Variants in ICMT observed in about 807,000 individuals in gnomAD.
ICMT encodes the protein isoprenylcysteine carboxyl methyltransferase, also known as protein-S-isoprenylcysteine O-methyltransferase.
In ICMT, 10 loss-of-function variants were observed where a neutral mutation model predicts 32.2. The ratio of observed to expected loss-of-function variants is 0.31; its 90% CI spans 0.19 to 0.53. The LOEUF is 0.53. ICMT is among the 20% of genes least tolerant of loss of function. ICMT has a pLI of 0.96. For missense variants in ICMT, 265 were observed against 356.9 expected (o/e 0.74, Z 2.07); for synonymous variants, 183 against 158.2 (o/e 1.16, Z -1.18).
chr1:6,227,516 GC>G (rs1668662682), intron 4 of ICMT, among the ~76,000 whole-genome samples: 1 of 152,122 alleles, frequency 6.6e-6, no homozygotes, highest in African/African-American at 2.4e-5. Flanking sequence ...ACATTCTTTG[GC>G]CAAGTTTTTC....
intron 4 of ICMT, among the ~76,000 whole-genome samples, chr1:6,231,424 G>A (rs1385468202): frequency 6.6e-6 from 1 of 152,124 alleles, no homozygotes; most frequent in Non-Finnish European, 1.5e-5. Context: ...GGCAGAGAAA[G>A]GGAGAGGCAC....
chr1:6,225,169 T>C lies in ICMT; in HGVS notation c.766A>G (p.Ile256Val), dbSNP rs1668625920. ...DRTEEEEISLIHFFGEEYLEY... is the reference protein window; with the variant it reads ...DRTEEEEISLVHFFGEEYLEY... ...AGGTACTCCTCTCCAAAAAAGTGAA[T>C]TAGTGAGATTTCTTCTTCTTCTGTT... Residue 256 changes from isoleucine to valine, a missense_variant, in exon 5 of 5, where the codon ATT becomes GTT. By Grantham distance (29) the Ile-to-Val change is conservative. Around this residue, in one of 2 missense-constraint regions of ICMT, gnomAD observed 166 missense variants for 264.3 expected, o/e 0.63. Coordinates refer to ENST00000343813, the MANE Select transcript of ICMT (RefSeq NM_012405.4). The C allele has an allele frequency of 1.2e-6, 2 of 1,613,962 alleles. No individual in the cohort carries two copies. Among genetic ancestry groups the C allele is most frequent in the Admixed American group, 3.3e-5 (2 of 59,996 alleles).
Position 6,232,091 on chromosome 1 carries a change from G to T in ICMT, c.483C>A (p.Val161=), listed in dbSNP as rs1197765642. 6.2e-7 allele frequency: 1 copy of T among 1,614,026 alleles called. No individual in the cohort carries two copies. The highest frequency in any genetic ancestry group is 1.7e-5 in the Admixed American group (1 of 59,998). Residue 161 remains valine (V), a synonymous_variant, in exon 4 of 5, where the codon GTC becomes GTA. Coordinates refer to ENST00000343813, the MANE Select transcript of ICMT (RefSeq NM_012405.4). ...CGAAGACCACCATCAGCAGCCCTGTGACACTGAGCCAGGTAATCTGCTTCA... is the reference window on the plus strand; with the variant it reads ...CGAAGACCACCATCAGCAGCCCTGTTACACTGAGCCAGGTAATCTGCTTCA... The part of the protein sequence containing the change: ...PELKQITWLS[V]TGLLMVVFGE...
intron 1 of ICMT, among the ~76,000 whole-genome samples, chr1:6,235,226 T>C (rs531252816): frequency 2.7e-4 from 41 of 152,340 alleles, no homozygotes; most frequent in African/African-American, 9.1e-4. Context: ...ACCTACCTTT[T>C]AGGACTGCAG....
rs1183727904 is a variant in ICMT, at chr1:6,224,089, C to T, written c.*991G>A. The T allele has an allele frequency of 1.3e-5, 2 of 152,120 alleles. No homozygotes were observed. Among genetic ancestry groups the T allele is most frequent in the African/African-American group, 2.4e-5 (1 of 41,414 alleles). The allele number at this position is 152,120 out of a possible 1,614,324, so 9.4% of individuals were successfully genotyped here. A position where few individuals can be genotyped will look rare whatever the true frequency, so the allele number is the denominator to read the frequency against. Reference sequence around the variant, plus strand: ...CCCTTTGGAAAACAGTTTGAAATGACATGAGGGACAATGTAATTTTGAGAA... The same window carrying T: ...CCCTTTGGAAAACAGTTTGAAATGATATGAGGGACAATGTAATTTTGAGAA... On this transcript the variant is annotated 3_prime_UTR_variant, in exon 5 of 5. Coordinates refer to ENST00000343813, the MANE Select transcript of ICMT (RefSeq NM_012405.4).
At chr1:6,232,885 T>C (rs1668759562) in intron 3 of ICMT, among the ~76,000 whole-genome samples, 1 of 145,132 alleles carries the variant, frequency 6.9e-6, no homozygotes, top group African/African-American at 2.6e-5. Flanking sequence ...GAGATGGGAG[T>C]CTCGCTCTGT....
In ICMT at chr1:6,225,106, T is replaced by C. The variant is rs763778174; in HGVS notation, c.829A>G (p.Ile277Val). Residue 277 changes from isoleucine (I) to valine (V), a missense_variant, in exon 5 of 5, where the codon ATA (isoleucine) becomes GTA (valine). Physicochemically the swap from Ile to Val is conservative, Grantham distance 29. Coordinates refer to ENST00000343813, the MANE Select transcript of ICMT (RefSeq NM_012405.4). ...KKRVPTGLPF[I>V]KGVKVDL ...CACAGGTCCACCTTGACCCCCTTTA[T>C]GAAAGGCAGGCCCGTGGGCACCCTC... 3.2e-5 allele frequency: 52 copies of C among 1,613,782 alleles called. No homozygotes were observed. The highest frequency in any genetic ancestry group is 4.4e-5 in the Non-Finnish European group (52 of 1,179,832).
chr1:6,227,039 G>A (rs907610647), intron 4 of ICMT, among the ~76,000 whole-genome samples: 2 of 152,216 alleles, frequency 1.3e-5, no homozygotes, highest in Non-Finnish European at 2.9e-5. Context: ...CTGTTACTAA[G>A]CCATGAAATC....
intron 4 of ICMT, among the ~76,000 whole-genome samples, chr1:6,227,475 A>G (rs1371512197): frequency 6.6e-6 from 1 of 152,238 alleles, no homozygotes; most frequent in African/African-American, 2.4e-5. Context: ...GACTTTTCCC[A>G]AACACTTCGT....
At chr1:6,232,710 G>A (rs1429115571) in intron 3 of ICMT, among the ~76,000 whole-genome samples, 13 of 152,010 alleles carry the variant, frequency 8.6e-5, no homozygotes, top group East Asian at 1.9e-4. Context: ...TACCAGGCCC[G>A]GCTAATTTTG....
chr1:6,228,721 G>A (rs1326948697), intron 4 of ICMT, among the ~76,000 whole-genome samples: 1 of 150,718 alleles, frequency 6.6e-6, no homozygotes, highest in East Asian at 2.0e-4. Flanking sequence ...TAGCCAAATA[G>A]TAATTTTAAA....
At chr1:6,235,380 C>A (rs1179230354) in intron 1 of ICMT, among the ~76,000 whole-genome samples, 1 of 152,208 alleles carries the variant, frequency 6.6e-6, no homozygotes, top group Non-Finnish European at 1.5e-5. Flanking sequence ...CGGGCCTGTG[C>A]GCCCAGCCCC....
At chr1:6,228,683 T>C (rs1668682408) in intron 4 of ICMT, among the ~76,000 whole-genome samples, 1 of 151,762 alleles carries the variant, frequency 6.6e-6, no homozygotes, top group African/African-American at 2.4e-5. Context: ...GCAATCCTCC[T>C]GCTCTGGTCT....
chr1:6,233,427 G>A (rs1220703962), intron 3 of ICMT, 47 bp downstream of exon 3: 1 of 1,557,130 alleles, frequency 6.4e-7, no homozygotes, highest in Admixed American at 1.9e-5. Context: ...CAGCCTGAAT[G>A]GGAGCCACCC....
rs749981103 is a variant in ICMT at position 6,224,343 on chromosome 1, G to C, written c.*737C>G. On this transcript the variant is annotated 3_prime_UTR_variant, in exon 5 of 5. Coordinates refer to ENST00000343813, the MANE Select transcript of ICMT (RefSeq NM_012405.4). ...TGAGACCCCCGGGAAAGCCAGCCAG[G>C]GCCATGATCCCCTTGGCCTGGGGCC... 1 of 152,108 alleles carries C rather than the reference G, an allele frequency of 6.6e-6. No homozygotes were observed. The highest frequency in any genetic ancestry group is 1.5e-5 in the Non-Finnish European group (1 of 68,040). The allele number at this position is 152,108 out of a possible 1,614,324, so 9.4% of individuals were successfully genotyped here. A position where few individuals can be genotyped will look rare whatever the true frequency, so the allele number is the denominator to read the frequency against.
At chr1:6,231,730 G>A (rs1016462247) in intron 4 of ICMT, among the ~76,000 whole-genome samples, 172 bp downstream of exon 4, 4 of 151,836 alleles carry the variant, frequency 2.6e-5, no homozygotes, top group Admixed American at 1.3e-4. Flanking sequence ...CTTGAAACGC[G>A]CCAAGAAGAA....
chr1:6,235,951 T>TAGCCCGGAGAAACGCGCCGGCTGA lies in ICMT; in HGVS notation c.-41_-40insTCAGCCGGCGCGTTTCTCCGGGCT. ...GACTAGCGGGCGGCGGCGCCGGCTG[T>TAGCCCGGAGAAACGCGCCGGCTGA]AGCCCGGAGAAACGCGCCGGCTGCG... On this transcript the variant is annotated 5_prime_UTR_variant, in exon 1 of 5. Transcript: ENST00000343813. 9.7e-7 allele frequency: 1 copy of TAGCCCGGAGAAACGCGCCGGCTGA among 1,026,546 alleles called. No homozygotes were observed. The highest frequency in any genetic ancestry group is 1.8e-5 in the African/African-American group (1 of 57,086). The allele number at this position is 1,026,546 out of a possible 1,614,324, so 63.6% of individuals were successfully genotyped here.
At chr1:6,232,208 C>G in intron 3 of ICMT, 89 bp from the exon 4 acceptor site, 1 of 918,470 alleles carries the variant, frequency 1.1e-6, no homozygotes, top group South Asian at 1.7e-5. Flanking sequence ...CCTATTTTCC[C>G]GAAGACAGAA....
chr1:6,234,910 T>C lies in ICMT; in HGVS notation c.260A>G (p.Gln87Arg). Reference protein sequence around the residue: ...FGCGTLLSFSQSSWSHFGWYM... With the variant: ...FGCGTLLSFSRSSWSHFGWYM... The stretch of plus-strand genomic sequence containing the variant: ...CCAGCCAAAGTGACTCCAAGAAGAC[T>C]GGCTAAAACTTAGCAGCGTGCCGCA... The change falls in exon 2 of 5, where the codon CAG becomes CGG. Residue 87 changes from glutamine (Q) to arginine (R), a missense_variant. Coordinates refer to ENST00000343813, the MANE Select transcript of ICMT (RefSeq NM_012405.4). 1.2e-6 allele frequency: 2 copies of C among 1,613,980 alleles called. No individual in the cohort carries two copies. The highest frequency in any genetic ancestry group is 1.7e-6 in the Non-Finnish European group (2 of 1,179,908).
Sources: gnomAD v4.1 joint callset for allele counts (sites outside exome capture counted in the v4.1 genomes callset) on GRCh38, gnomAD v4.1.1 for gene constraint, gnomAD v4.1.1 regional missense constraint, MANE v1.5 for transcripts, NCBI Gene and HGNC (gene_info 2026-07-23, HGNC 2026-07-21) for gene names.